PPIL3: variants seen among roughly 807,000 people sequenced by gnomAD.
PPIL3 encodes the protein peptidyl-prolyl cis-trans isomerase-like 3.
Under a neutral mutation model 20.9 loss-of-function variants are expected in PPIL3, and 13 were observed. The ratio of observed to expected loss-of-function variants is 0.62; its 90% CI spans 0.40 to 0.99. PPIL3 has a LOEUF of 0.99. Among genes scored for constraint, PPIL3 ranks in the 50% least tolerant of loss-of-function variants. The pLI is 0.00. For synonymous variants in PPIL3, 71 were observed against 64.4 expected (o/e 1.10, Z -0.49); for missense variants, 170 against 195.2 (o/e 0.87, Z 0.77).
intron 1 of PPIL3, chr2:200,888,609 T>C: frequency 4.6e-6 from 1 of 218,708 alleles, no homozygotes; most frequent in South Asian, 5.4e-5. Context: ...AACCTCCGCC[T>C]CCGCCTCCCG....
At position 200,880,808 on chromosome 2, in the gene PPIL3, G is replaced by C. The variant is rs2039696323; in HGVS notation, c.240+613C>G. Reference sequence around the variant, plus strand: ...AAGTGGGATTGATTTTTAAAACTAGGCATGCACTAATTTTTAATTTTAGAC... The same window carrying C: ...AAGTGGGATTGATTTTTAAAACTAGCCATGCACTAATTTTTAATTTTAGAC... On this transcript the variant is annotated intron_variant, in intron 5 of 6. Coordinates refer to ENST00000392283, the MANE Select transcript of PPIL3 (RefSeq NM_130906.3). Among the ~76,000 whole-genome samples, 3 of 150,962 alleles carry C rather than the reference G, an allele frequency of 2.0e-5. No homozygotes were observed. The South Asian group carries it at 6.3e-4, about 32-fold the overall frequency.
intron 6 of PPIL3, among the ~76,000 whole-genome samples, chr2:200,876,254 G>A (rs957937256): frequency 4.0e-5 from 6 of 151,334 alleles, no homozygotes; most frequent in African/African-American, 1.5e-4. Context: ...AGGCTGCAAT[G>A]AGCCATGACT....
intron 1 of PPIL3, among the ~76,000 whole-genome samples, chr2:200,888,079 C>T (rs1046108898): frequency 1.4e-4 from 20 of 142,906 alleles, no homozygotes; most frequent in African/African-American, 2.9e-4. Flanking sequence ...AAAAAATCCT[C>T]TAATGGCATC....
intron 6 of PPIL3, among the ~76,000 whole-genome samples, 198 bp from the exon 7 acceptor site, chr2:200,871,719 T>C (rs973398742): frequency 1.3e-5 from 2 of 152,202 alleles, no homozygotes; most frequent in African/African-American, 4.8e-5. Flanking sequence ...TTTATGCCCT[T>C]AGTCAACAAT....
intron 6 of PPIL3, 118 bp from the exon 7 acceptor site, chr2:200,871,639 C>A (rs1236283740): frequency 2.4e-6 from 2 of 844,870 alleles, no homozygotes; most frequent in Non-Finnish European, 3.5e-6. Flanking sequence ...TCTGAGTTCT[C>A]TAGTTGAATG....
At chr2:200,883,867 A>G (rs2039828272) in intron 3 of PPIL3, among the ~76,000 whole-genome samples, 1 of 152,140 alleles carries the variant, frequency 6.6e-6, no homozygotes, top group South Asian at 2.1e-4. Flanking sequence ...GGCTCAAGCA[A>G]TTCTCCCACC....
At chr2:200,878,515 G>C (rs181802190) in intron 5 of PPIL3, among the ~76,000 whole-genome samples, 1 of 151,484 alleles carries the variant, frequency 6.6e-6, no homozygotes, top group Non-Finnish European at 1.5e-5. Flanking sequence ...TTGGCCTCCT[G>C]AGTAGCTGAG....
chr2:200,881,361 CAA>C (rs1473775744), intron 5 of PPIL3, 58 bp downstream of exon 5: 11 of 1,316,134 alleles, frequency 8.4e-6, no homozygotes, highest in Non-Finnish European at 1.2e-5. Context: ...ACACATGTAT[CAA>C]AGTTTCCATG....
At chr2:200,880,244 C>CT (rs1379449835) in intron 5 of PPIL3, among the ~76,000 whole-genome samples, 2 of 151,912 alleles carry the variant, frequency 1.3e-5, no homozygotes, top group African/African-American at 2.4e-5. Context: ...AAGACCCTGT[C>CT]TCTAAAAAAA....
At chr2:200,889,249 C>A (rs1280376778), upstream of PPIL3, 1 of 346,588 alleles carries the variant, frequency 2.9e-6, no homozygotes, top group Non-Finnish European at 5.7e-6. Flanking sequence ...ACTACCTGGG[C>A]AACCTCAAGC....
chr2:200,874,021 T>C (rs11687102), intron 6 of PPIL3, among the ~76,000 whole-genome samples: 83,363 of 150,368 alleles, frequency 0.55, 23,858 homozygotes, highest in African/African-American at 0.66. Context: ...CTGGCTAACA[T>C]GGTGAAACCC....
chr2:200,872,914 C>A (rs2039366904), intron 6 of PPIL3, among the ~76,000 whole-genome samples: 1 of 151,830 alleles, frequency 6.6e-6, no homozygotes, highest in African/African-American at 2.4e-5. Context: ...CTCTGGTCCC[C>A]CAGACTGGAG....
At chr2:200,888,836 A>G in intron 1 of PPIL3, 120 bp downstream of exon 1, 3 of 447,660 alleles carry the variant, frequency 6.7e-6, no homozygotes, top group Non-Finnish European at 1.4e-5. Context: ...CTGACGTTGC[A>G]ACAACAGCCT....
At chr2:200,883,297 G>A (rs1340546281) in intron 3 of PPIL3, among the ~76,000 whole-genome samples, 1 of 151,680 alleles carries the variant, frequency 6.6e-6, no homozygotes, top group Non-Finnish European at 1.5e-5. Flanking sequence ...TTCTGAATCT[G>A]AATACCTGGA....
At chr2:200,881,686 C>A (rs1438691304) in intron 4 of PPIL3, 198 bp from the exon 5 acceptor site, 2 of 535,698 alleles carry the variant, frequency 3.7e-6, no homozygotes, top group Admixed American at 3.6e-5. Context: ...AAAAGAATAA[C>A]CCTCCTTATA....
At chr2:200,885,554 A>C in intron 3 of PPIL3, 144 bp downstream of exon 3, 1 of 620,152 alleles carries the variant, frequency 1.6e-6, no homozygotes, top group South Asian at 1.9e-5. Context: ...AGTGGAAATC[A>C]GGCCAGAAGT....
Position 200,885,753 on chromosome 2 carries a change from T to C in PPIL3, c.23A>G (p.Asp8Gly), listed in dbSNP as rs1204543069. 1 of 1,592,794 alleles carries C rather than the reference T, an allele frequency of 6.3e-7. No homozygotes were observed. The highest frequency in any genetic ancestry group is 8.6e-7 in the Non-Finnish European group (1 of 1,163,544). Residue 8 changes from aspartate (D) to glycine (G), a missense_variant, in exon 3 of 7, where the codon GAT becomes GGT. Physicochemically the swap from Asp to Gly is moderately conservative, Grantham distance 94 (BLOSUM62 -1). Transcript: ENST00000392283. MSVTLHT[D>G]VGDIKIEVFC... ...GACTTCAATTTTAATATCACCTACA[T>C]CTGTATGCAGTGTCACAGACTAAAA...
chr2:200,882,566 T>C, intron 3 of PPIL3, 131 bp from the exon 4 acceptor site: 1 of 686,160 alleles, frequency 1.5e-6, no homozygotes, highest in Non-Finnish European at 2.6e-6. Flanking sequence ...TTGGATGTCA[T>C]TTCCCTGCCT....
At chr2:200,876,517 ATTT>A (rs1273010531) in intron 6 of PPIL3, among the ~76,000 whole-genome samples, 4 of 130,638 alleles carry the variant, frequency 3.1e-5, no homozygotes, top group Admixed American at 7.8e-5. Context: ...TTTTCTTTTC[ATTT>A]TTTTTTTTTT....
Sources: allele counts gnomAD v4.1 joint callset (sites outside exome capture counted in the v4.1 genomes callset), GRCh38; gene constraint gnomAD v4.1.1; transcripts MANE v1.5; gene names NCBI Gene and HGNC (gene_info 2026-07-23, HGNC 2026-07-21).